The following MBD5 variants were observed in gnomAD, a reference collection of about 807,000 sequenced individuals.
MBD5 encodes methyl-CpG binding domain protein 5.
Under a neutral mutation model 117.3 loss-of-function variants are expected in MBD5, and 13 were observed. That is an observed-to-expected ratio of 0.11 (90% confidence interval 0.07 to 0.18). The LOEUF (loss-of-function observed/expected upper bound fraction) is 0.18. Ranked by LOEUF, MBD5 falls within the 10% of genes least tolerant of loss-of-function variation. The probability of loss-of-function intolerance (pLI) is 1.00; values close to 1 mark genes in which losing one functional copy is unlikely to be tolerated. For synonymous variants in MBD5, 727 were observed against 766.4 expected (o/e 0.95, Z 0.85); for missense variants, 1,879 against 2,093.8 (o/e 0.90, Z 2.00).
chr2:148,250,558 T>C (rs1307897962), intron 3 of MBD5, among the ~76,000 whole-genome samples: 1 of 152,172 alleles, frequency 6.6e-6, no homozygotes, highest in Non-Finnish European at 1.5e-5. Context: ...TTTTTCTCCA[T>C]AGAGATTATG....
At chr2:148,435,442 A>G (rs1038345493) in intron 4 of MBD5, among the ~76,000 whole-genome samples, 2 of 152,138 alleles carry the variant, frequency 1.3e-5, no homozygotes, top group Non-Finnish European at 2.9e-5. Flanking sequence ...TCTGGTAGTA[A>G]TGAATTCTCT....
chr2:148,351,211 C>G (rs1429084151), intron 4 of MBD5, among the ~76,000 whole-genome samples: 1 of 151,918 alleles, frequency 6.6e-6, no homozygotes, highest in Non-Finnish European at 1.5e-5. Flanking sequence ...CAGTTAATTT[C>G]AGAGCATTTT....
At chr2:148,512,039 A>T (rs1406110172) in intron 13 of MBD5, among the ~76,000 whole-genome samples, 1 of 152,172 alleles carries the variant, frequency 6.6e-6, no homozygotes, top group African/African-American at 2.4e-5. Flanking sequence ...GCTAAAATGG[A>T]CTTGTGTCGA....
intron 2 of MBD5, among the ~76,000 whole-genome samples, chr2:148,197,172 G>A (rs1416746790): frequency 6.6e-6 from 1 of 152,074 alleles, no homozygotes; most frequent in Non-Finnish European, 1.5e-5. Flanking sequence ...CGTTCTGCTA[G>A]GATCTCTCTC....
intron 10 of MBD5, among the ~76,000 whole-genome samples, chr2:148,488,574 AAG>A (rs1320600717): frequency 6.7e-6 from 1 of 148,580 alleles, no homozygotes; most frequent in East Asian, 2.0e-4. Context: ...GATGTAAAGA[AAG>A]AGAGAGATCA....
chr2:148,485,571 A>T, intron 9 of MBD5, 171 bp from the exon 10 acceptor site: 1 of 613,456 alleles, frequency 1.6e-6, no homozygotes, highest in South Asian at 2.0e-5. Context: ...ACTAAATAAT[A>T]AAGCTACTCT....
At chr2:148,294,094 T>C (rs1701569981) in intron 3 of MBD5, among the ~76,000 whole-genome samples, 1 of 152,184 alleles carries the variant, frequency 6.6e-6, no homozygotes, top group African/African-American at 2.4e-5. Flanking sequence ...GTACTTCTTG[T>C]CATGTAGGTA....
At chr2:148,496,580 G>A (rs1030250847) in intron 11 of MBD5, among the ~76,000 whole-genome samples, 18 of 152,238 alleles carry the variant, frequency 1.2e-4, no homozygotes, top group African/African-American at 4.1e-4. Flanking sequence ...GCAACTACTT[G>A]CTTCTGTTAC....
At chr2:148,502,556 T>G in intron 12 of MBD5, 47 bp downstream of exon 12, 2 of 1,552,638 alleles carry the variant, frequency 1.3e-6, no homozygotes, top group Non-Finnish European at 1.8e-6. Context: ...GGATATAATT[T>G]ACTGTTTTTC....
intron 3 of MBD5, among the ~76,000 whole-genome samples, chr2:148,303,393 C>T (rs1701818419): frequency 1.3e-5 from 2 of 152,078 alleles, no homozygotes; most frequent in South Asian, 2.1e-4. Context: ...ACAGGCCAGC[C>T]GGCTTACCAC....
At chr2:148,097,289 G>A (rs2105271770) in intron 1 of MBD5, among the ~76,000 whole-genome samples, 1 of 152,244 alleles carries the variant, frequency 6.6e-6, no homozygotes, top group Non-Finnish European at 1.5e-5. Flanking sequence ...TACTAAACAA[G>A]GTAAGTTATA....
chr2:148,368,599 T>C (rs1025589396), intron 4 of MBD5, among the ~76,000 whole-genome samples: 3 of 152,172 alleles, frequency 2.0e-5, no homozygotes, highest in African/African-American at 7.2e-5. Context: ...ACTGAAGCAG[T>C]ACTAAGGCGG....
At chr2:148,323,152 A>G (rs1702335872) in intron 3 of MBD5, among the ~76,000 whole-genome samples, 1 of 151,880 alleles carries the variant, frequency 6.6e-6, no homozygotes, top group Admixed American at 6.6e-5. Context: ...AATTTCATCC[A>G]TGTCCCTACA....
chr2:148,174,317 A>T (rs893861368), intron 1 of MBD5, among the ~76,000 whole-genome samples: 11 of 152,210 alleles, frequency 7.2e-5, no homozygotes, highest in African/African-American at 2.2e-4. Flanking sequence ...AATGGATTAA[A>T]GACTTAAATG....
At chr2:148,225,758 C>T (rs1699802819) in intron 2 of MBD5, among the ~76,000 whole-genome samples, 1 of 152,024 alleles carries the variant, frequency 6.6e-6, no homozygotes, top group South Asian at 2.1e-4. Flanking sequence ...TTTCCTTCAC[C>T]ACTTTAAATA....
intron 4 of MBD5, among the ~76,000 whole-genome samples, chr2:148,435,057 T>C (rs1706115095): frequency 6.6e-6 from 1 of 152,156 alleles, no homozygotes; most frequent in Non-Finnish European, 1.5e-5. Flanking sequence ...AAAATCTGTT[T>C]TGTCTGAAAT....
intron 4 of MBD5, among the ~76,000 whole-genome samples, chr2:148,345,344 T>C (rs1703066592): frequency 6.7e-6 from 1 of 149,364 alleles, no homozygotes; most frequent in Non-Finnish European, 1.5e-5. Flanking sequence ...TATACACATA[T>C]ACATATACAC....
At chr2:148,447,200 A>G (rs34557995) in intron 4 of MBD5, among the ~76,000 whole-genome samples, 307 of 11,242 alleles carry the variant, frequency 0.027, 1 homozygote, top group Non-Finnish European at 0.21. Flanking sequence ...AGAAAGAAAG[A>G]AAGAAAGAAA....
intron 1 of MBD5, among the ~76,000 whole-genome samples, chr2:148,103,418 A>G (rs1463657166): frequency 6.6e-6 from 1 of 152,178 alleles, no homozygotes; most frequent in African/African-American, 2.4e-5. Context: ...AAGTTAAGAT[A>G]AAAGTAGTGG....
Sources: gnomAD v4.1 joint callset for allele counts (sites outside exome capture counted in the v4.1 genomes callset) on GRCh38, gnomAD v4.1.1 for gene constraint, MANE v1.5 for transcripts, NCBI Gene and HGNC (gene_info 2026-07-23, HGNC 2026-07-21) for gene names.